Variants in ITGB5 observed in about 807,000 individuals in gnomAD.
ITGB5 encodes integrin subunit beta 5, also known as integrin beta-5.
Under a neutral mutation model 84.8 loss-of-function variants are expected in ITGB5, and 38 were observed. The observed-to-expected ratio is 0.45, with a 90% CI of 0.35 to 0.59. ITGB5 has a LOEUF of 0.59. Among genes scored for constraint, ITGB5 ranks in the 20% least tolerant of loss-of-function variants. ITGB5 has a pLI of 0.01. For synonymous variants in ITGB5, 393 were observed against 414.4 expected (o/e 0.95, Z 0.63); for missense variants, 905 against 1,034.5 (o/e 0.87, Z 1.72).
intron 10 of ITGB5, 114 bp downstream of exon 10, chr3:124,796,274 G>C (rs990744487): frequency 9.3e-6 from 9 of 968,782 alleles, no homozygotes; most frequent in African/African-American, 1.6e-5. Flanking sequence ...TCTCCAAGGA[G>C]AGCCATGGTA....
chr3:124,870,043 G>A (rs974904655), intron 2 of ITGB5, among the ~76,000 whole-genome samples: 6 of 152,138 alleles, frequency 3.9e-5, no homozygotes, highest in Admixed American at 3.3e-4. Context: ...TGGAGGGTGG[G>A]AACAATCACC....
At chr3:124,854,414 T>C (rs1478044640) in intron 3 of ITGB5, among the ~76,000 whole-genome samples, 3 of 152,146 alleles carry the variant, frequency 2.0e-5, no homozygotes, top group Non-Finnish European at 4.4e-5. Context: ...ACCTCCACAA[T>C]GGAATATTAT....
chr3:124,843,683 C>T (rs1443493105), intron 4 of ITGB5, among the ~76,000 whole-genome samples: 2 of 152,104 alleles, frequency 1.3e-5, no homozygotes, highest in Non-Finnish European at 2.9e-5. Context: ...TAGGATGTCA[C>T]CTGTGATGAG....
At chr3:124,794,811 A>C (rs1321199795) in intron 10 of ITGB5, among the ~76,000 whole-genome samples, 1 of 151,256 alleles carries the variant, frequency 6.6e-6, no homozygotes, top group South Asian at 2.1e-4. Flanking sequence ...AAAGAAAGAG[A>C]GAGAGAGAGG....
Position 124,821,447 on chromosome 3 carries a change from G to C in ITGB5, c.808C>G (p.Leu270Val). The C allele has an allele frequency of 9.9e-6, 16 of 1,614,234 alleles. No homozygotes were observed. The highest frequency in any genetic ancestry group is 1.4e-5 in the Non-Finnish European group (16 of 1,180,034). The part of the protein sequence containing the change: ...KEKIGWRKDA[L>V]HLLVFTTDDV... ...TCTGTTGTGAACACCAGCAAATGCA[G>C]TGCATCCTTTCGCCAGCCAATCTTC... Residue 270 changes from leucine (L) to valine (V), a missense_variant, in exon 6 of 15, where the codon CTG becomes GTG. Coordinates refer to ENST00000296181, the MANE Select transcript of ITGB5 (RefSeq NM_002213.5).
At chr3:124,814,640 C>T (rs2064558834) in intron 8 of ITGB5, among the ~76,000 whole-genome samples, 1 of 151,980 alleles carries the variant, frequency 6.6e-6, no homozygotes, top group Admixed American at 6.6e-5. Flanking sequence ...AATTTTTGGT[C>T]TCGCTATGTT....
At chr3:124,817,289 G>A (rs1271360220) in intron 8 of ITGB5, among the ~76,000 whole-genome samples, 1 of 152,170 alleles carries the variant, frequency 6.6e-6, no homozygotes, top group East Asian at 1.9e-4. Context: ...CACTGGGTAG[G>A]TGGAGAATAC....
intron 10 of ITGB5, among the ~76,000 whole-genome samples, chr3:124,777,047 T>C (rs915488476): frequency 6.6e-6 from 1 of 152,174 alleles, no homozygotes; most frequent in Non-Finnish European, 1.5e-5. Flanking sequence ...TCTGATACCT[T>C]GCAGGCCCGA....
chr3:124,827,780 T>G (rs2064803814), intron 5 of ITGB5, among the ~76,000 whole-genome samples: 1 of 152,192 alleles, frequency 6.6e-6, no homozygotes, highest in African/African-American at 2.4e-5. Flanking sequence ...CCTGAACTGA[T>G]GACATTCCAC....
intron 4 of ITGB5, among the ~76,000 whole-genome samples, chr3:124,841,880 C>T (rs143060763): frequency 9.1e-4 from 139 of 152,262 alleles, no homozygotes; most frequent in Non-Finnish European, 2.6e-4. Flanking sequence ...ATGTGGGACC[C>T]GGGGTGTGGG....
chr3:124,769,840 G>A (rs2063816862), intron 11 of ITGB5: 1 of 152,156 alleles, frequency 6.6e-6, no homozygotes, highest in Non-Finnish European at 1.5e-5. Context: ...CTCCTCCCAG[G>A]GAACCCTTGT....
At chr3:124,890,142 C>G (rs1390527012), upstream of ITGB5, among the ~76,000 whole-genome samples, 2 of 151,294 alleles carry the variant, frequency 1.3e-5, no homozygotes, top group Non-Finnish European at 2.9e-5. Context: ...GGCGTGGAGT[C>G]CTGGAAACTG....
chr3:124,777,599 T>G (rs1172016319), intron 10 of ITGB5, among the ~76,000 whole-genome samples: 3 of 152,212 alleles, frequency 2.0e-5, no homozygotes, highest in Non-Finnish European at 4.4e-5. Flanking sequence ...TCCACACTTG[T>G]GGCAGGCATC....
At chr3:124,822,598 C>A (rs2064724308) in intron 5 of ITGB5, among the ~76,000 whole-genome samples, 2 of 152,154 alleles carry the variant, frequency 1.3e-5, no homozygotes, top group South Asian at 4.1e-4. Context: ...AAAGAGCCCG[C>A]CAACATGAGG....
intron 2 of ITGB5, among the ~76,000 whole-genome samples, chr3:124,861,623 G>A (rs1197471635): frequency 1.4e-5 from 2 of 146,614 alleles, no homozygotes; most frequent in African/African-American, 5.1e-5. Context: ...GTACAGTGGC[G>A]CAATCTCAGC....
intron 5 of ITGB5, among the ~76,000 whole-genome samples, chr3:124,822,093 C>A (rs2064716016): frequency 6.6e-6 from 1 of 152,210 alleles, no homozygotes; most frequent in South Asian, 2.1e-4. Flanking sequence ...TCCCTTTTCT[C>A]CCTTTCTGCT....
chr3:124,803,015 G>A (rs912270829), intron 9 of ITGB5, among the ~76,000 whole-genome samples: 1 of 152,230 alleles, frequency 6.6e-6, no homozygotes, highest in Non-Finnish European at 1.5e-5. Context: ...AATCCCACAG[G>A]AAGAGCTGTC....
intron 3 of ITGB5, 83 bp from the exon 4 acceptor site, chr3:124,848,641 T>G (rs1009802562): frequency 1.4e-6 from 2 of 1,461,036 alleles, no homozygotes; most frequent in Non-Finnish European, 1.8e-6. Flanking sequence ...TCAAAGCTAG[T>G]TTGCCTCTTA....
intron 13 of ITGB5, among the ~76,000 whole-genome samples, chr3:124,765,761 T>A (rs958556940): frequency 6.6e-6 from 1 of 152,132 alleles, no homozygotes; most frequent in African/African-American, 2.4e-5. Flanking sequence ...CTGGTCTTCA[T>A]GAGAAATTGT....
Sources: allele counts gnomAD v4.1 joint callset (sites outside exome capture counted in the v4.1 genomes callset), GRCh38; gene constraint gnomAD v4.1.1; transcripts MANE v1.5; gene names NCBI Gene and HGNC (gene_info 2026-07-23, HGNC 2026-07-21).